Variants in SYNPR observed in about 807,000 individuals in gnomAD.
SYNPR encodes synaptoporin.
In SYNPR, 23 loss-of-function variants were observed where a neutral mutation model predicts 32.9. The observed-to-expected ratio is 0.70, with a 90% CI of 0.50 to 0.99. The LOEUF (loss-of-function observed/expected upper bound fraction) is 0.99. Ranked by LOEUF, SYNPR falls within the 50% of genes least tolerant of loss-of-function variation. The pLI is 0.00. For missense variants in SYNPR, 318 were observed against 349.3 expected, an observed-to-expected ratio of 0.91 and a Z score of 0.71; for synonymous variants, 146 against 135.9, an observed-to-expected ratio of 1.07 and a Z score of -0.52.
intron 4 of SYNPR, among the ~76,000 whole-genome samples, chr3:63,573,477 C>T (rs1402198805): frequency 1.3e-5 from 2 of 152,156 alleles, no homozygotes; most frequent in Non-Finnish European, 2.9e-5. Flanking sequence ...AATATTAATG[C>T]TGCGGCCCCT....
chr3:63,331,263 C>G (rs1318515901), intron 2 of SYNPR, among the ~76,000 whole-genome samples: 1 of 152,182 alleles, frequency 6.6e-6, no homozygotes, highest in African/African-American at 2.4e-5. Context: ...TATTGCCGTT[C>G]TAGGATTAAA....
At chr3:63,410,192 G>A (rs534713434) in intron 2 of SYNPR, among the ~76,000 whole-genome samples, 1 of 152,156 alleles carries the variant, frequency 6.6e-6, no homozygotes, top group East Asian at 1.9e-4. Context: ...TCTACTGTAT[G>A]CCAGATGTGG....
chr3:63,508,118 T>C (rs1442847186), intron 3 of SYNPR, among the ~76,000 whole-genome samples: 1 of 152,198 alleles, frequency 6.6e-6, no homozygotes. Context: ...AATAGCCACA[T>C]GTGGCTAGTG....
At chr3:63,360,022 C>T (rs748841270) in intron 2 of SYNPR, among the ~76,000 whole-genome samples, 3 of 152,200 alleles carry the variant, frequency 2.0e-5, no homozygotes, top group Admixed American at 6.5e-5. Flanking sequence ...ACATACATCA[C>T]AGCCACTGCT....
At chr3:63,282,870 A>G (rs2086643133) in intron 2 of SYNPR, among the ~76,000 whole-genome samples, 1 of 152,238 alleles carries the variant, frequency 6.6e-6, no homozygotes, top group African/African-American at 2.4e-5. Context: ...TTATTGAATC[A>G]TATTTCAAAA....
intron 4 of SYNPR, among the ~76,000 whole-genome samples, chr3:63,582,917 C>T (rs1040651962): frequency 1.3e-5 from 2 of 152,036 alleles, no homozygotes; most frequent in African/African-American, 4.8e-5. Flanking sequence ...GTAAGTGTCA[C>T]GCGTGTCCGT....
At chr3:63,513,288 T>C (rs4566530) in intron 3 of SYNPR, among the ~76,000 whole-genome samples, 110,961 of 151,776 alleles carry the variant, frequency 0.73, 41,111 homozygotes, top group African/African-American at 0.85. Context: ...GCTGAGGGAT[T>C]CTCCCACCTC....
intron 3 of SYNPR, 47 bp downstream of exon 3, chr3:63,481,003 C>CT: frequency 6.3e-7 from 1 of 1,582,074 alleles, no homozygotes; most frequent in Non-Finnish European, 8.6e-7. Context: ...GGGGTTATTT[C>CT]TTTCTTCTGT....
the SYNPR span, among the ~76,000 whole-genome samples, chr3:63,206,284 C>G: frequency 2.0e-5 from 3 of 152,138 alleles, no homozygotes; most frequent in African/African-American, 7.2e-5. Context: ...AAGATTTCTC[C>G]AGGGGACATT....
chr3:63,385,125 A>G (rs894258576), intron 2 of SYNPR, among the ~76,000 whole-genome samples: 1 of 152,190 alleles, frequency 6.6e-6, no homozygotes, highest in Non-Finnish European at 1.5e-5. Context: ...CTCCTGTACT[A>G]TTATTTACTT....
chr3:63,525,417 C>T (rs1701994062), intron 3 of SYNPR, among the ~76,000 whole-genome samples: 4 of 152,082 alleles, frequency 2.6e-5, no homozygotes, highest in Admixed American at 2.6e-4. Context: ...TTGCAATGCT[C>T]CCCAGGAACT....
upstream of SYNPR, among the ~76,000 whole-genome samples, chr3:63,275,395 T>A (rs17068046): frequency 3.8e-3 from 573 of 152,340 alleles, 2 homozygotes; most frequent in African/African-American, 0.013. Context: ...AGGAAAAGCA[T>A]CCTCTGACAA....
At chr3:63,496,116 TA>T (rs1015571845) in intron 3 of SYNPR, among the ~76,000 whole-genome samples, 4 of 151,678 alleles carry the variant, frequency 2.6e-5, no homozygotes, top group African/African-American at 4.8e-5. Flanking sequence ...AACTGATATT[TA>T]AAAAAAAGTA....
At chr3:63,289,866 C>T (rs1309029481) in intron 2 of SYNPR, among the ~76,000 whole-genome samples, 4 of 152,164 alleles carry the variant, frequency 2.6e-5, no homozygotes, top group East Asian at 1.9e-4. Context: ...CGCGGTGTCT[C>T]ACGCCTGTAA....
At chr3:63,273,478 T>A (rs1418921872), upstream of SYNPR, among the ~76,000 whole-genome samples, 3 of 152,168 alleles carry the variant, frequency 2.0e-5, no homozygotes, top group African/African-American at 7.2e-5. Flanking sequence ...CTTAATGTAT[T>A]ATTAGAGCCC....
At chr3:63,286,966 G>A (rs2086690178) in intron 2 of SYNPR, among the ~76,000 whole-genome samples, 1 of 152,274 alleles carries the variant, frequency 6.6e-6, no homozygotes, top group South Asian at 2.1e-4. Context: ...TATAGTTACT[G>A]GACAGAGCAC....
At chr3:63,362,439 A>T (rs2087673954) in intron 2 of SYNPR, among the ~76,000 whole-genome samples, 1 of 152,178 alleles carries the variant, frequency 6.6e-6, no homozygotes. Flanking sequence ...AGGTTTCCTA[A>T]GATAAATAGT....
intron 4 of SYNPR, among the ~76,000 whole-genome samples, chr3:63,604,825 G>C (rs1441646627): frequency 6.6e-6 from 1 of 152,166 alleles, no homozygotes; most frequent in Non-Finnish European, 1.5e-5. Context: ...GCCATGTGAA[G>C]TTTTGTTTGG....
intron 1 of SYNPR, among the ~76,000 whole-genome samples, chr3:63,239,609 A>C (rs2086224730): frequency 6.7e-6 from 1 of 148,948 alleles, no homozygotes; most frequent in Non-Finnish European, 1.5e-5. Context: ...TGTCACCCAT[A>C]CTATCATTGT....
Sources: gnomAD v4.1 joint callset for allele counts (sites outside exome capture counted in the v4.1 genomes callset) on GRCh38, gnomAD v4.1.1 for gene constraint, MANE v1.5 for transcripts, NCBI Gene and HGNC (gene_info 2026-07-23, HGNC 2026-07-21) for gene names.